The following STK26 variants were observed in gnomAD, a reference collection of about 807,000 sequenced individuals.
STK26 encodes serine/threonine-protein kinase 26.
A neutral mutation model predicts 34.7 loss-of-function variants in STK26; 14 were observed. The ratio of observed to expected loss-of-function variants is 0.40; its 90% confidence interval spans 0.27 to 0.63. The LOEUF (loss-of-function observed/expected upper bound fraction) is 0.63, where lower values mean the gene tolerates loss of function less well. Among genes scored for constraint, STK26 ranks in the 30% least tolerant of loss-of-function variants. STK26 has a pLI of 0.38. For missense variants in STK26, 226 were observed against 309.1 expected (o/e 0.73, Z 2.02); for synonymous variants, 100 against 109.8 (o/e 0.91, Z 0.56).
intron 6 of STK26, 68 bp from the exon 7 acceptor site, chrX:132,069,410 C>CACACATATATATAT (rs1295110654): frequency 1.2e-5 from 1 of 81,791 alleles, no homozygotes; most frequent in Non-Finnish European, 2.0e-5. Context: ...CATACATACA[C>CACACATATATATAT]ATATATATAT....
chrX:132,055,146 G>C (rs754668895), intron 3 of STK26, among the ~76,000 whole-genome samples: 2 of 112,191 alleles, frequency 1.8e-5, no homozygotes, highest in South Asian at 7.4e-4. Context: ...TGTCAGGAAA[G>C]AGCTATCCCC....
chrX:132,044,830 G>T (rs2748727), intron 2 of STK26, among the ~76,000 whole-genome samples: 7,333 of 55,609 alleles, frequency 0.13, 1,417 homozygotes, highest in East Asian at 0.16. Flanking sequence ...TATATATATA[G>T]AGAGAGATCT....
intron 2 of STK26, among the ~76,000 whole-genome samples, chrX:132,038,461 G>A (rs1050756996): frequency 9.0e-6 from 1 of 111,675 alleles, no homozygotes; most frequent in African/African-American, 3.3e-5. Context: ...CTAACATAAC[G>A]GGAATGGTGA....
chrX:132,024,582 AC>A (rs1387783316), intron 2 of STK26, among the ~76,000 whole-genome samples: 1 of 111,372 alleles, frequency 9.0e-6, no homozygotes, highest in Non-Finnish European at 1.9e-5. Flanking sequence ...GGCCTAAACA[AC>A]CCATTTAGGG....
rs774845785 is a variant in STK26, at chrX:132,028,469, C to G, written c.42+4810C>G. 1.6e-4 allele frequency among the ~76,000 whole-genome samples: 18 copies of G among 110,975 alleles called. No homozygotes were observed. In the Admixed American group the frequency reaches 1.7e-3, roughly 11 times the overall value. ...CAATGGGATGACAAAGTACATATGT[C>G]CAATAAGTAGTTGAAAATGTAGAAC... On this transcript the variant is annotated intron_variant, in intron 2 of 11. Transcript: ENST00000394334.
intron 2 of STK26, among the ~76,000 whole-genome samples, chrX:132,051,958 G>T (rs1290857312): frequency 1.8e-5 from 2 of 110,711 alleles, no homozygotes; most frequent in Admixed American, 9.7e-5. Context: ...GTATTCCATG[G>T]TGTATATGTG....
chrX:132,034,686 A>C (rs976210299), intron 2 of STK26, among the ~76,000 whole-genome samples: 1 of 111,423 alleles, frequency 9.0e-6, no homozygotes, highest in African/African-American at 3.3e-5. Flanking sequence ...ATGAAATAAC[A>C]TTGTTTGTTT....
At chrX:132,034,129 A>ATAT in intron 2 of STK26, among the ~76,000 whole-genome samples, 1 of 88,065 alleles carries the variant, frequency 1.1e-5, no homozygotes, top group African/African-American at 4.2e-5. Context: ...TATATATATA[A>ATAT]AATAAAAAAA....
rs186431937 is a variant in STK26, at chrX:132,031,485, C to T, written c.42+7826C>T. 2.8e-3 allele frequency among the ~76,000 whole-genome samples: 313 copies of T among 112,252 alleles called. 2 individuals are homozygous for T. The highest frequency in any genetic ancestry group is 9.7e-3 in the African/African-American group (300 of 30,891). On this transcript the variant is annotated intron_variant, in intron 2 of 11. Coordinates refer to ENST00000394334, the MANE Select transcript of STK26 (RefSeq NM_016542.4). ...ACCAATCTGTCCACATCTTCCCCTC[C>T]TGCTTCCCTTCTCAGCCTCTAATAC...
At position 132,055,911 on chromosome X, in the gene STK26, C is replaced by G. The variant is rs180829079; in HGVS notation, c.273+1050C>G. Among the ~76,000 whole-genome samples, 6 of 112,265 alleles carry G rather than the reference C, an allele frequency of 5.3e-5. 1 individual carries two copies. The East Asian group carries it at 1.7e-3, about 31-fold the overall frequency. ...TAACCTGTCTTCAAGTTCACAGATT[C>G]TTTCTTCTGTTTGATCAGTTCTGCT... On this transcript the variant is annotated intron_variant, in intron 3 of 11. Coordinates refer to ENST00000394334, the MANE Select transcript of STK26 (RefSeq NM_016542.4).
intron 6 of STK26, 58 bp downstream of exon 6, chrX:132,068,627 C>G: frequency 9.3e-7 from 1 of 1,077,739 alleles, no homozygotes; most frequent in South Asian, 2.2e-5. Context: ...ATATGGCACA[C>G]TATCCTAGTT....
intron 2 of STK26, among the ~76,000 whole-genome samples, chrX:132,026,095 A>G (rs1935094024): frequency 8.9e-6 from 1 of 112,076 alleles, no homozygotes; most frequent in Non-Finnish European, 1.9e-5. Context: ...TGATTTTTCC[A>G]GAAATACAAA....
intron 2 of STK26, among the ~76,000 whole-genome samples, chrX:132,028,918 G>A (rs1925719387): frequency 8.9e-6 from 1 of 112,335 alleles, no homozygotes; most frequent in Non-Finnish European, 1.9e-5. Context: ...GAGGTTGAAA[G>A]CATTGCTTTG....
At chrX:132,032,546 T>A (rs1187885574) in intron 2 of STK26, among the ~76,000 whole-genome samples, 1 of 111,544 alleles carries the variant, frequency 9.0e-6, no homozygotes, top group Non-Finnish European at 1.9e-5. Flanking sequence ...GTGTTTTAAA[T>A]TTTTCCCTCT....
intron 2 of STK26, among the ~76,000 whole-genome samples, chrX:132,042,100 T>G (rs1476049252): frequency 1.8e-5 from 2 of 111,225 alleles, no homozygotes; most frequent in Non-Finnish European, 3.8e-5. Flanking sequence ...CGGGTGAATT[T>G]GTACCTCTAG....
chrX:132,074,207 C>T lies in STK26; in HGVS notation c.*48C>T, dbSNP rs1371625649. On this transcript the variant is annotated 3_prime_UTR_variant, in exon 12 of 12. Coordinates refer to ENST00000394334, the MANE Select transcript of STK26 (RefSeq NM_016542.4). ...TTCATATGGACCCAGAGAGCCCCAC[C>T]AAACCTACGTCAAGATTAACAATGC... The T allele has an allele frequency of 8.7e-7, 1 of 1,143,714 alleles. No homozygotes were observed. The highest frequency in any genetic ancestry group is 3.0e-5 in the East Asian group (1 of 32,994). 94.3% of individuals were successfully genotyped at this position (1,143,714 alleles called of 1,213,427 possible).
At chrX:132,058,254 ATGTG>A (rs754196913) in intron 3 of STK26, among the ~76,000 whole-genome samples, 13 of 103,060 alleles carry the variant, frequency 1.3e-4, no homozygotes, top group Middle Eastern at 4.9e-3. Flanking sequence ...GTGTGTGTGT[ATGTG>A]TGTGTGTGTG....
intron 2 of STK26, among the ~76,000 whole-genome samples, chrX:132,053,242 C>T (rs1292537711): frequency 9.0e-6 from 1 of 111,663 alleles, no homozygotes. Context: ...GTCTCAGAGA[C>T]TTCTATATGG....
intron 2 of STK26, among the ~76,000 whole-genome samples, chrX:132,048,966 T>TTTTG (rs745675021): frequency 1.0e-4 from 11 of 108,313 alleles, no homozygotes; most frequent in South Asian, 4.0e-4. Flanking sequence ...AAATTCTGTT[T>TTTTG]TTTGTTTGTT....
Sources: allele counts gnomAD v4.1 joint callset (sites outside exome capture counted in the v4.1 genomes callset), GRCh38; gene constraint gnomAD v4.1.1; transcripts MANE v1.5; gene names NCBI Gene and HGNC (gene_info 2026-07-23, HGNC 2026-07-21).